The following MEGF6 variants were observed in gnomAD, a reference collection of about 807,000 sequenced individuals.
MEGF6 encodes the protein multiple epidermal growth factor-like domains protein 6.
In MEGF6, 184 loss-of-function variants were observed where a neutral mutation model predicts 207.1. The ratio of observed to expected loss-of-function variants is 0.89; its 90% CI spans 0.79 to 1.00. The LOEUF (loss-of-function observed/expected upper bound fraction) is 1.00, where lower values mean the gene tolerates loss of function less well. Ranked by LOEUF, MEGF6 falls within the 50% of genes least tolerant of loss-of-function variation. MEGF6 has a pLI of 0.00. For synonymous variants in MEGF6, 1,038 were observed against 910.0 expected (o/e 1.14, Z -2.53); for missense variants, 2,282 against 2,202.9 (o/e 1.04, Z -0.72).
At chr1:3,539,159 G>A (rs1342853363) in intron 4 of MEGF6, among the ~76,000 whole-genome samples, 1 of 152,154 alleles carries the variant, frequency 6.6e-6, no homozygotes, top group African/African-American at 2.4e-5. Context: ...CTGGGGAAGA[G>A]ATGGGGCGTG....
chr1:3,613,806 A>G (rs1219913140), upstream of MEGF6, among the ~76,000 whole-genome samples: 1 of 151,806 alleles, frequency 6.6e-6, no homozygotes, highest in Non-Finnish European at 1.5e-5. Context: ...CTGGCCCCGC[A>G]GAACCCTGCC....
intron 4 of MEGF6, among the ~76,000 whole-genome samples, chr1:3,557,555 C>A (rs1003496511): frequency 5.9e-5 from 9 of 152,222 alleles, no homozygotes; most frequent in African/African-American, 2.2e-4. Context: ...TGCCAGCCTG[C>A]GGTAGCCAGA....
At chr1:3,624,439 G>C in the MEGF6 span, 1 of 152,276 alleles carries the variant, frequency 6.6e-6, no homozygotes, top group African/African-American at 2.4e-5. Context: ...TCCGGCTTCA[G>C]AGTGCATTGC....
chr1:3,595,648 G>A (rs1644051799), intron 2 of MEGF6, among the ~76,000 whole-genome samples: 2 of 152,212 alleles, frequency 1.3e-5, no homozygotes, highest in South Asian at 4.1e-4. Flanking sequence ...GGAGGCAGCA[G>A]GGGCCATGCT....
intron 4 of MEGF6, among the ~76,000 whole-genome samples, chr1:3,534,295 T>C (rs1418434450): frequency 6.6e-6 from 1 of 152,258 alleles, no homozygotes; most frequent in African/African-American, 2.4e-5. Flanking sequence ...AAAAGGATCA[T>C]ATTTGCACCT....
intron 4 of MEGF6, among the ~76,000 whole-genome samples, chr1:3,575,958 A>G (rs900206657): frequency 2.6e-5 from 4 of 151,866 alleles, no homozygotes; most frequent in Admixed American, 2.6e-4. Flanking sequence ...ACCTACGTGG[A>G]CTCACGCAAC....
chr1:3,561,108 G>A lies in MEGF6; in HGVS notation c.481+18717C>T, dbSNP rs1385842379. Among the ~76,000 whole-genome samples, 7 of 152,196 alleles carry A rather than the reference G, an allele frequency of 4.6e-5. No homozygotes were observed. The East Asian group carries it at 9.7e-4, about 21-fold the overall frequency. ...TAAAGGACCCGCTGGCAGGAGAGAC[G>A]GCCTTTCCAAGGGGAGGCGGCACGG... On this transcript the variant is annotated intron_variant, in intron 4 of 36. Transcript: ENST00000356575.
intron 1 of MEGF6, among the ~76,000 whole-genome samples, chr1:3,608,243 C>T: frequency 6.6e-6 from 1 of 152,146 alleles, no homozygotes; most frequent in Non-Finnish European, 1.5e-5. Flanking sequence ...CTCGGACTCT[C>T]AGGTACCTTC....
At chr1:3,524,628 A>C (rs559982544) in intron 4 of MEGF6, among the ~76,000 whole-genome samples, 1 of 152,236 alleles carries the variant, frequency 6.6e-6, no homozygotes, top group Non-Finnish European at 1.5e-5. Flanking sequence ...CCACAAGCCC[A>C]AAAAGAGAAA....
chr1:3,515,304 G>A (rs1255970101), intron 6 of MEGF6, 98 bp downstream of exon 6: 2 of 1,410,006 alleles, frequency 1.4e-6, no homozygotes, highest in African/African-American at 2.8e-5. Context: ...AGCAGCCTTG[G>A]GGGCCTCCTG....
intron 4 of MEGF6, among the ~76,000 whole-genome samples, chr1:3,524,977 G>A (rs986151778): frequency 1.3e-5 from 2 of 152,156 alleles, no homozygotes; most frequent in Non-Finnish European, 1.5e-5. Flanking sequence ...CATAGGGAGC[G>A]TGGCCCCGCG....
At position 3,506,112 on chromosome 1, in the gene MEGF6, G is replaced by A; in HGVS notation, c.1914C>T (p.His638=). 1 of 1,591,646 alleles carries A rather than the reference G, an allele frequency of 6.3e-7. No homozygotes were observed. Among genetic ancestry groups the A allele is most frequent in the East Asian group, 2.3e-5 (1 of 43,916 alleles). ...CDPGLYGRFC[H]LTCPPWAFGP... ...GGAAGGGGCAGTGAGACTCACTGAG[G>A]TGGCAGAAGCGGCCGTAGAGCCCTG... Residue 638 remains histidine, a synonymous_variant, in exon 15 of 37, where the codon CAC becomes CAT. Coordinates refer to ENST00000356575, the MANE Select transcript of MEGF6 (RefSeq NM_001409.4).
chr1:3,516,626 C>T (rs1195312413), intron 5 of MEGF6, among the ~76,000 whole-genome samples: 1 of 152,220 alleles, frequency 6.6e-6, no homozygotes, highest in East Asian at 1.9e-4. Flanking sequence ...ACTGTTGCTG[C>T]ATAGCGGATG....
Position 3,611,294 on chromosome 1 carries a change from CT to C in MEGF6, c.-27del, listed in dbSNP as rs747229784. 2 of 1,428,496 alleles carry C rather than the reference CT, an allele frequency of 1.4e-6. No homozygotes were observed. The highest frequency in any genetic ancestry group is 2.8e-5 in the Admixed American group (1 of 36,030). The allele number at this position is 1,428,496 out of a possible 1,614,324, so 88.5% of individuals were successfully genotyped here. On this transcript the variant is annotated 5_prime_UTR_variant, in exon 1 of 37. Coordinates refer to ENST00000356575, the MANE Select transcript of MEGF6 (RefSeq NM_001409.4). Reference sequence around the variant, plus strand: ...CGTGCGCGCCGGTGCCTCCTCCGCTCTCCGGCTCACAGGCGGCCCCGGCGGC... The same window carrying C: ...CGTGCGCGCCGGTGCCTCCTCCGCTCCCGGCTCACAGGCGGCCCCGGCGGC...
Position 3,510,001 on chromosome 1 carries a change from G to T in MEGF6, c.1235-9C>A. 1 of 1,580,362 alleles carries T rather than the reference G, an allele frequency of 6.3e-7. No homozygotes were observed. On this transcript the variant is annotated splice_polypyrimidine_tract_variant and intron_variant, in intron 10 of 36. Transcript: ENST00000356575. ...GGCGCACTCATCCACATCTGCGGGCGACCCGGGACCACTGAGGCCTGTGCT... is the reference window on the plus strand; with the variant it reads ...GGCGCACTCATCCACATCTGCGGGCTACCCGGGACCACTGAGGCCTGTGCT...
At chr1:3,603,563 T>C (rs2821015) in intron 1 of MEGF6, among the ~76,000 whole-genome samples, 143,283 of 152,168 alleles carry the variant, frequency 0.94, 67,604 homozygotes, top group East Asian at 0.98. Flanking sequence ...GGGCCAGGCA[T>C]ACCTGGTGCG....
intron 35 of MEGF6, among the ~76,000 whole-genome samples, 171 bp downstream of exon 35, chr1:3,492,468 A>G (rs1402166641): frequency 6.6e-6 from 1 of 152,192 alleles, no homozygotes; most frequent in Non-Finnish European, 1.5e-5. Flanking sequence ...TCAGAAGCCA[A>G]GTGACACTCT....
rs1293242492 is a variant in MEGF6 at position 3,496,796 on chromosome 1, G to A, written c.3614-13C>T. The A allele has an allele frequency of 2.1e-5, 32 of 1,552,148 alleles. No homozygotes were observed. Among genetic ancestry groups the A allele is most frequent in the East Asian group, 1.9e-4 (8 of 41,232 alleles). The stretch of plus-strand genomic sequence containing the variant: ...CCGGGCGGACATCCTGCAGGGAGAG[G>A]GGCTAGCTGCAGGGGCTGGGGCTGG... On this transcript the variant is annotated splice_polypyrimidine_tract_variant and intron_variant, in intron 28 of 36. Transcript: ENST00000356575.
intron 5 of MEGF6, among the ~76,000 whole-genome samples, chr1:3,521,798 C>T (rs534469011): frequency 1.6e-4 from 24 of 152,314 alleles, no homozygotes; most frequent in Admixed American, 4.6e-4. Context: ...ACGCACAGCT[C>T]GCACACAGAG....
Sources: gnomAD v4.1 joint callset for allele counts (sites outside exome capture counted in the v4.1 genomes callset) on GRCh38, gnomAD v4.1.1 for gene constraint, MANE v1.5 for transcripts, NCBI Gene and HGNC (gene_info 2026-07-23, HGNC 2026-07-21) for gene names.